Variants in MICAL3 observed in about 807,000 individuals in gnomAD.
The protein encoded by MICAL3 is microtubule associated monooxygenase, calponin and LIM domain containing 3.
MICAL3 carries 62 observed loss-of-function variants against 207.4 expected under a neutral mutation model. The ratio of observed to expected loss-of-function variants is 0.30; its 90% CI spans 0.24 to 0.37. The LOEUF (loss-of-function observed/expected upper bound fraction) is 0.37, where lower values mean the gene tolerates loss of function less well. Ranked by LOEUF, MICAL3 falls within the 10% of genes least tolerant of loss-of-function variation. The pLI is 1.00. For missense variants in MICAL3, 2,368 were observed against 2,635.6 expected (o/e 0.90, Z 2.22); for synonymous variants, 1,077 against 1,069.3 (o/e 1.01, Z -0.14).
intron 1 of MICAL3, among the ~76,000 whole-genome samples, chr22:18,000,126 T>C (rs1329724917): frequency 6.6e-6 from 1 of 152,004 alleles, no homozygotes; most frequent in African/African-American, 2.4e-5. Context: ...TTCATCCTCA[T>C]CCCTGGAGTA....
chr22:17,820,209 G>C (rs1465140274), intron 25 of MICAL3, among the ~76,000 whole-genome samples: 2 of 150,996 alleles, frequency 1.3e-5, no homozygotes, highest in East Asian at 3.9e-4. Context: ...AAATCAAGCA[G>C]ATGCAGGCCT....
chr22:17,970,841 C>T (rs1935380064), intron 1 of MICAL3, among the ~76,000 whole-genome samples: 1 of 152,102 alleles, frequency 6.6e-6, no homozygotes, highest in Non-Finnish European at 1.5e-5. Context: ...GCACCCCACC[C>T]GATTTGCAGG....
intron 1 of MICAL3, among the ~76,000 whole-genome samples, chr22:17,911,718 T>C (rs5992900): frequency 0.26 from 39,850 of 151,924 alleles, 8,101 homozygotes; most frequent in African/African-American, 0.57. Context: ...TGTGGTCCCA[T>C]CTACATGCGA....
rs953658992 is a variant in MICAL3, at chr22:17,948,505, G to C, written c.-74-41619C>G. 2.0e-5 allele frequency among the ~76,000 whole-genome samples: 3 copies of C among 152,154 alleles called. 1 individual carries two copies. The South Asian group carries it at 6.2e-4, about 31-fold the overall frequency. Reference sequence around the variant, plus strand: ...ACCAGCTGCAGAGCATTTGACACCAGGCATCCACAAGACACAGACCCTGCT... The same window carrying C: ...ACCAGCTGCAGAGCATTTGACACCACGCATCCACAAGACACAGACCCTGCT... On this transcript the variant is annotated intron_variant, in intron 1 of 31. Coordinates refer to ENST00000441493, the MANE Select transcript of MICAL3 (RefSeq NM_015241.3).
In MICAL3 at chr22:17,889,222, T is replaced by G. The variant is rs755448414; in HGVS notation, c.1703A>C (p.Asp568Ala). 6.2e-7 allele frequency: 1 copy of G among 1,610,128 alleles called. No individual in the cohort carries two copies. Among genetic ancestry groups the G allele is most frequent in the South Asian group, 1.1e-5 (1 of 90,922 alleles). The change falls in exon 13 of 32, where the codon GAT becomes GCT. Residue 568 changes from aspartate to alanine, a missense_variant. Asp to Ala is a moderately radical substitution (Grantham distance 126, BLOSUM62 -2). This residue lies in a region of MICAL3 where 51 missense variants were observed against 87.8 expected (regional missense o/e 0.58). Transcript: ENST00000441493. ...CTCCACATTTTGCTCATCCAAAGAATCAAAATCTCTGAGAAACAGGACAAG... is the reference window on the plus strand; with the variant it reads ...CTCCACATTTTGCTCATCCAAAGAAGCAAAATCTCTGAGAAACAGGACAAG... ...HRYRPDLIDF[D>A]SLDEQNVEKN...
At chr22:17,820,251 C>T (rs1053252414) in intron 25 of MICAL3, among the ~76,000 whole-genome samples, 3 of 152,114 alleles carry the variant, frequency 2.0e-5, no homozygotes, top group African/African-American at 7.2e-5. Flanking sequence ...ATCTGACCTG[C>T]AGACAGTATT....
At chr22:17,831,761 G>A (rs1252423628) in intron 21 of MICAL3, 93 bp downstream of exon 21, 8 of 1,490,466 alleles carry the variant, frequency 5.4e-6, no homozygotes, top group East Asian at 2.5e-5. Flanking sequence ...GCACGTCCGT[G>A]TGACGTCAGC....
intron 21 of MICAL3, among the ~76,000 whole-genome samples, 184 bp downstream of exon 21, chr22:17,831,670 C>A (rs573640722): frequency 1.3e-5 from 2 of 152,190 alleles, no homozygotes; most frequent in African/African-American, 4.8e-5. Flanking sequence ...CACTGCCAAC[C>A]GCCTGCTCAA....
At chr22:17,995,947 G>A (rs1434560974) in intron 1 of MICAL3, among the ~76,000 whole-genome samples, 2 of 150,674 alleles carry the variant, frequency 1.3e-5, no homozygotes, top group African/African-American at 4.9e-5. Flanking sequence ...AATTGTTCGA[G>A]CCCAGGAGCT....
intron 1 of MICAL3, among the ~76,000 whole-genome samples, chr22:17,956,424 C>T (rs2017932): frequency 3.3e-5 from 5 of 151,988 alleles, no homozygotes; most frequent in African/African-American, 9.7e-5. Flanking sequence ...CTATAATCCC[C>T]GCACTTTGGG....
At chr22:17,868,808 C>T (rs1357654378) in intron 17 of MICAL3, among the ~76,000 whole-genome samples, 3 of 152,010 alleles carry the variant, frequency 2.0e-5, no homozygotes, top group Non-Finnish European at 4.4e-5. Flanking sequence ...TGACAGCTAC[C>T]AATCTGAACA....
At chr22:17,794,432 A>AGGAGGG (rs2061854873) in intron 29 of MICAL3, among the ~76,000 whole-genome samples, 1 of 152,256 alleles carries the variant, frequency 6.6e-6, no homozygotes, top group Non-Finnish European at 1.5e-5. Context: ...GTGCAGGGCA[A>AGGAGGG]GGAGGGGCCT....
Position 17,862,636 on chromosome 22 carries a change from G to A in MICAL3, c.2605+2263C>T, listed in dbSNP as rs905650443. The A allele has an allele frequency of 3.0e-6, 3 of 985,194 alleles. No individual in the cohort carries two copies. The African/African-American group carries it at 5.2e-5, about 17-fold the overall frequency. 61.0% of individuals were successfully genotyped at this position (985,194 alleles called of 1,614,324 possible). On this transcript the variant is annotated intron_variant, in intron 19 of 31. Transcript: ENST00000441493. The stretch of plus-strand genomic sequence containing the variant: ...AAGCTTCAGTTTCATATTTAAAGAA[G>A]GAAATCTCTATCAAAGGAGAAAAGG...
chr22:17,858,198 G>A (rs2542339), intron 19 of MICAL3, among the ~76,000 whole-genome samples: 2,836 of 152,232 alleles, frequency 0.019, 36 homozygotes, highest in South Asian at 0.04. Flanking sequence ...AAGGTAAGCG[G>A]TGAGGAGACA....
At chr22:17,936,305 C>A (rs1208940097) in intron 1 of MICAL3, among the ~76,000 whole-genome samples, 1 of 152,116 alleles carries the variant, frequency 6.6e-6, no homozygotes, top group Non-Finnish European at 1.5e-5. Flanking sequence ...AACCATCATT[C>A]TCAGCAAACT....
rs148390421 is a variant in MICAL3, at chr22:17,993,999, T to C, written c.-75+30282A>G. Among the ~76,000 whole-genome samples, 692 of 152,250 alleles carry C rather than the reference T, an allele frequency of 4.5e-3. 13 individuals carry two copies. The highest frequency in any genetic ancestry group is 6.0e-3 in the Non-Finnish European group (408 of 68,006). ...CACTTCCTAGTGTGAAAAGCAGGGA[T>C]CATAACAGCACCCCGTCTGTCCGCT... On this transcript the variant is annotated intron_variant, in intron 1 of 31. Coordinates refer to ENST00000441493, the MANE Select transcript of MICAL3 (RefSeq NM_015241.3).
At chr22:18,016,413 C>A (rs908597427) in intron 1 of MICAL3, among the ~76,000 whole-genome samples, 6 of 152,034 alleles carry the variant, frequency 3.9e-5, no homozygotes, top group African/African-American at 1.4e-4. Context: ...AAAAGTTATT[C>A]TTTTTCGTGT....
intron 20 of MICAL3, among the ~76,000 whole-genome samples, chr22:17,839,404 G>A (rs896488961): frequency 3.3e-5 from 5 of 150,584 alleles, no homozygotes; most frequent in East Asian, 2.0e-4. Context: ...TTACAGGTGC[G>A]TGCCACCACA....
chr22:17,907,394 C>T (rs772055915), intron 1 of MICAL3, among the ~76,000 whole-genome samples: 4 of 152,156 alleles, frequency 2.6e-5, no homozygotes, highest in Non-Finnish European at 4.4e-5. Flanking sequence ...GCTTAGGCCC[C>T]GGATTAAACG....
Sources: allele counts gnomAD v4.1 joint callset (sites outside exome capture counted in the v4.1 genomes callset), GRCh38; gene constraint gnomAD v4.1.1; regional missense constraint gnomAD v4.1.1; transcripts MANE v1.5; gene names NCBI Gene and HGNC (gene_info 2026-07-23, HGNC 2026-07-21).